KHDRBS2: variants seen among roughly 807,000 people sequenced by gnomAD.
KHDRBS2 encodes KH domain-containing, RNA-binding, signal transduction-associated protein 2.
A neutral mutation model predicts 44.3 loss-of-function variants in KHDRBS2; 26 were observed. That is an observed-to-expected ratio of 0.59 (90% CI 0.43 to 0.81). The LOEUF (loss-of-function observed/expected upper bound fraction) is 0.81. Ranked by LOEUF, KHDRBS2 falls within the 40% of genes least tolerant of loss-of-function variation. The probability of loss-of-function intolerance (pLI) is 0.00; values close to 1 mark genes in which losing one functional copy is unlikely to be tolerated. For synonymous variants in KHDRBS2, 194 were observed against 151.1 expected, an observed-to-expected ratio of 1.28 and a Z score of -2.08; for missense variants, 476 against 433.1, an observed-to-expected ratio of 1.10 and a Z score of -0.88.
At chr6:61,978,305 C>G (rs1423643786) in intron 3 of KHDRBS2, 93 bp from the exon 4 acceptor site, 3 of 943,306 alleles carry the variant, frequency 3.2e-6, no homozygotes, top group Non-Finnish European at 4.6e-6. Context: ...ATAATTTAAG[C>G]AAATTTTCCA....
At chr6:62,050,588 T>C (rs751129013) in intron 2 of KHDRBS2, among the ~76,000 whole-genome samples, 2 of 151,234 alleles carry the variant, frequency 1.3e-5, no homozygotes, top group Non-Finnish European at 2.9e-5. Flanking sequence ...CAATGGTAAA[T>C]CTCACACACA....
In KHDRBS2 at chr6:61,857,766, C is replaced by T. The variant is rs139979070; in HGVS notation, c.810+36869G>A. On this transcript the variant is annotated intron_variant, in intron 6 of 8. Transcript: ENST00000281156. ...AATGCCGATGGGACTATAAATCATT[C>T]GTGGCAACTCCTGCTCTCTGCAACA... is the stretch of plus-strand genomic sequence containing the variant. Among the ~76,000 whole-genome samples, 121 of 151,948 alleles carry T rather than the reference C, an allele frequency of 8.0e-4. No individual in the cohort carries two copies. The East Asian group carries it at 0.012, about 16-fold the overall frequency.
chr6:62,237,119 C>T (rs1053060435), intron 1 of KHDRBS2, among the ~76,000 whole-genome samples: 2 of 152,154 alleles, frequency 1.3e-5, no homozygotes, highest in African/African-American at 4.8e-5. Flanking sequence ...CATTGCGTCA[C>T]ACGTGCTGTT....
At chr6:61,570,115 T>C in the KHDRBS2 span, among the ~76,000 whole-genome samples, 4 of 151,800 alleles carry the variant, frequency 2.6e-5, no homozygotes, top group Non-Finnish European at 5.9e-5. Context: ...AGAAAGTTGA[T>C]TAATAAGGTA....
intron 2 of KHDRBS2, among the ~76,000 whole-genome samples, chr6:62,073,047 A>G (rs956968209): frequency 6.6e-6 from 1 of 151,968 alleles, no homozygotes; most frequent in Admixed American, 6.6e-5. Flanking sequence ...CAGAGATTCA[A>G]CTTCTTCCTG....
At chr6:61,652,616 T>G in the KHDRBS2 span, among the ~76,000 whole-genome samples, 1 of 152,022 alleles carries the variant, frequency 6.6e-6, no homozygotes, top group African/African-American at 2.4e-5. Context: ...AGTGAGTCCC[T>G]GGAAAGAGCC....
chr6:62,165,264 T>C (rs747507476), intron 2 of KHDRBS2, among the ~76,000 whole-genome samples: 9 of 150,702 alleles, frequency 6.0e-5, no homozygotes, highest in Non-Finnish European at 1.3e-4. Flanking sequence ...TTTATTTATT[T>C]ATTTATTTAT....
intron 6 of KHDRBS2, among the ~76,000 whole-genome samples, chr6:61,743,804 G>A (rs536267065): frequency 3.0e-4 from 26 of 87,700 alleles, no homozygotes; most frequent in Admixed American, 1.5e-3. Flanking sequence ...AACAGTCCCC[G>A]GTGTGTGATG....
intron 6 of KHDRBS2, among the ~76,000 whole-genome samples, chr6:61,738,284 G>C (rs537365345): frequency 1.3e-5 from 2 of 152,050 alleles, no homozygotes; most frequent in South Asian, 4.2e-4. Context: ...CTTTCTTCTA[G>C]CTGTAGACAG....
chr6:62,047,875 T>C lies in KHDRBS2; in HGVS notation c.336+3A>G. ...GGTAAATATTAGATTCAAAGTTCAG[T>C]ACCTTAGCTTTATCTCTCATTGATC... On this transcript the variant is annotated splice_donor_region_variant and intron_variant, in intron 3 of 8. Coordinates refer to ENST00000281156, the MANE Select transcript of KHDRBS2 (RefSeq NM_152688.4). The C allele has an allele frequency of 6.4e-7, 1 of 1,567,324 alleles. No individual in the cohort carries two copies. The highest frequency in any genetic ancestry group is 8.8e-7 in the Non-Finnish European group (1 of 1,137,896).
chr6:62,164,067 T>G (rs1178397227), intron 2 of KHDRBS2, among the ~76,000 whole-genome samples: 4 of 151,988 alleles, frequency 2.6e-5, no homozygotes, highest in Non-Finnish European at 5.9e-5. Context: ...ATGTGGTTTT[T>G]ACATTCATAA....
intron 1 of KHDRBS2, among the ~76,000 whole-genome samples, chr6:62,247,950 C>A (rs1835884942): frequency 6.6e-6 from 1 of 151,994 alleles, no homozygotes; most frequent in African/African-American, 2.4e-5. Flanking sequence ...ATGACTTTTT[C>A]TTTATATTTC....
chr6:61,670,285 AT>A, the KHDRBS2 span, among the ~76,000 whole-genome samples: 5 of 151,448 alleles, frequency 3.3e-5, no homozygotes, highest in Non-Finnish European at 7.4e-5. Flanking sequence ...AAACAAAAAA[AT>A]CTTTAAAAAG....
intron 7 of KHDRBS2, among the ~76,000 whole-genome samples, chr6:61,715,326 C>T (rs1323624195): frequency 1.3e-5 from 2 of 151,904 alleles, no homozygotes; most frequent in Admixed American, 1.3e-4. Flanking sequence ...TTGCTAAATT[C>T]TAGGTTTGAT....
At chr6:61,979,958 A>T (rs1446321451) in intron 3 of KHDRBS2, among the ~76,000 whole-genome samples, 2 of 152,134 alleles carry the variant, frequency 1.3e-5, no homozygotes, top group African/African-American at 4.8e-5. Flanking sequence ...TTACACCTAG[A>T]ATTTCCTAGG....
At chr6:61,750,564 C>T (rs567353683) in intron 6 of KHDRBS2, among the ~76,000 whole-genome samples, 1 of 152,244 alleles carries the variant, frequency 6.6e-6, no homozygotes, top group African/African-American at 2.4e-5. Context: ...TGCTAACCCA[C>T]CAATGGTGCT....
At chr6:62,013,334 A>C (rs1780642834) in intron 3 of KHDRBS2, among the ~76,000 whole-genome samples, 1 of 152,146 alleles carries the variant, frequency 6.6e-6, no homozygotes, top group African/African-American at 2.4e-5. Flanking sequence ...GTCCATTTGA[A>C]AAATAATAAA....
At chr6:61,855,974 G>C (rs1433489295) in intron 6 of KHDRBS2, among the ~76,000 whole-genome samples, 1 of 151,942 alleles carries the variant, frequency 6.6e-6, no homozygotes, top group Admixed American at 6.6e-5. Flanking sequence ...CTTTGCTTTA[G>C]GCTCTGCTTT....
the KHDRBS2 span, among the ~76,000 whole-genome samples, chr6:61,660,856 T>C: frequency 2.6e-5 from 4 of 151,886 alleles, no homozygotes; most frequent in Non-Finnish European, 5.9e-5. Context: ...AGAGCCATCA[T>C]GTATGGTGGA....
Sources: gnomAD v4.1 joint callset for allele counts (sites outside exome capture counted in the v4.1 genomes callset) on GRCh38, gnomAD v4.1.1 for gene constraint, MANE v1.5 for transcripts, NCBI Gene and HGNC (gene_info 2026-07-23, HGNC 2026-07-21) for gene names.